The following KLHDC1 variants were observed in gnomAD, a reference collection of about 807,000 sequenced individuals.
KLHDC1 encodes kelch domain containing 1.
KLHDC1 carries 53 observed loss-of-function variants against 68.3 expected under a neutral mutation model. The observed-to-expected ratio is 0.78, with a 90% CI of 0.62 to 0.98. The LOEUF (loss-of-function observed/expected upper bound fraction) is 0.98. Ranked by LOEUF, KLHDC1 falls within the 50% of genes least tolerant of loss-of-function variation. The probability of loss-of-function intolerance (pLI) is 0.00; values close to 1 mark genes in which losing one functional copy is unlikely to be tolerated. For missense variants in KLHDC1, 470 were observed against 492.3 expected, an observed-to-expected ratio of 0.95 and a Z score of 0.43; for synonymous variants, 148 against 159.0, an observed-to-expected ratio of 0.93 and a Z score of 0.52.
chr14:49,705,365 C>CTTTTTTTTTTTTTTTGTTTTTTTT (rs1888021448), intron 1 of KLHDC1, among the ~76,000 whole-genome samples: 1 of 71,664 alleles, frequency 1.4e-5, no homozygotes. Context: ...TTCTTTCTTT[C>CTTTTTTTTTTTTTTTGTTTTTTTT]TTTTTTTTTT....
rs190125811 is a variant in KLHDC1 at position 49,736,992 on chromosome 14, G to A, written c.896+2331G>A. Among the ~76,000 whole-genome samples, 182 of 152,224 alleles carry A rather than the reference G, an allele frequency of 1.2e-3. 1 individual carries two copies. Among genetic ancestry groups the A allele is most frequent in the East Asian group, 8.3e-3 (43 of 5,182 alleles). On this transcript the variant is annotated intron_variant, in intron 10 of 12. Transcript: ENST00000359332. ...GCCAGATCTGATAGCCTATATAGTT[G>A]GCTATCAGCAAGGACCCTTTTTTAT...
intron 4 of KLHDC1, among the ~76,000 whole-genome samples, chr14:49,711,306 A>G (rs1011964727): frequency 1.2e-4 from 19 of 152,278 alleles, no homozygotes; most frequent in Middle Eastern, 3.4e-3. Context: ...GGTTCAAGCA[A>G]TTCTCTTGCC....
At chr14:49,729,393 G>A (rs938394233) in intron 7 of KLHDC1, 97 bp from the exon 8 acceptor site, 5 of 759,112 alleles carry the variant, frequency 6.6e-6, no homozygotes, top group South Asian at 1.5e-5. Context: ...AAGTAAAATA[G>A]AGATAGTCTA....
At chr14:49,737,434 G>A (rs1888954580) in intron 10 of KLHDC1, among the ~76,000 whole-genome samples, 1 of 152,164 alleles carries the variant, frequency 6.6e-6, no homozygotes, top group South Asian at 2.1e-4. Context: ...AAGTAAAAGG[G>A]ATTAATGTAC....
intron 10 of KLHDC1, among the ~76,000 whole-genome samples, chr14:49,738,330 G>T (rs1594679448): frequency 6.8e-6 from 1 of 148,006 alleles, no homozygotes; most frequent in Non-Finnish European, 1.5e-5. Flanking sequence ...CTTTTGTTTG[G>T]TTGGTTTTTT....
intron 1 of KLHDC1, among the ~76,000 whole-genome samples, chr14:49,707,027 C>T (rs1377898028): frequency 6.6e-6 from 1 of 152,124 alleles, no homozygotes; most frequent in Non-Finnish European, 1.5e-5. Context: ...GTGGCCTGTG[C>T]CTGTGGGGTA....
At chr14:49,739,539 G>T (rs1889009723) in intron 10 of KLHDC1, among the ~76,000 whole-genome samples, 1 of 152,190 alleles carries the variant, frequency 6.6e-6, no homozygotes, top group Non-Finnish European at 1.5e-5. Context: ...ATGTGAAGGA[G>T]TGCCAAATTG....
At chr14:49,699,319 T>G (rs1037781022) in intron 1 of KLHDC1, among the ~76,000 whole-genome samples, 2 of 151,906 alleles carry the variant, frequency 1.3e-5, no homozygotes, top group Middle Eastern at 3.2e-3. Context: ...ACTACTTTTT[T>G]AAATTCCAGG....
chr14:49,724,028 C>A, intron 5 of KLHDC1, 76 bp downstream of exon 5: 1 of 801,546 alleles, frequency 1.2e-6, no homozygotes, highest in East Asian at 2.7e-5. Flanking sequence ...TGAGTCTAGT[C>A]TTTCTCATTT....
At chr14:49,730,702 G>C (rs1249979868) in intron 8 of KLHDC1, among the ~76,000 whole-genome samples, 2 of 152,210 alleles carry the variant, frequency 1.3e-5, no homozygotes, top group Admixed American at 1.3e-4. Flanking sequence ...GCTGGGTGCA[G>C]TGGCTCACAC....
intron 1 of KLHDC1, among the ~76,000 whole-genome samples, chr14:49,707,070 C>G (rs1888067762): frequency 6.6e-6 from 1 of 152,148 alleles, no homozygotes; most frequent in Admixed American, 6.6e-5. Context: ...GACCAATGTC[C>G]TGGTGAGTTT....
At position 49,693,213 on chromosome 14, in the gene KLHDC1, T is replaced by A. The variant is rs1272385892; in HGVS notation, c.19T>A (p.Phe7Ile). MADSQLFCVAEERSGHC... is the reference protein window; with the variant it reads MADSQLICVAEERSGHC... Reference sequence around the variant, plus strand: ...GGCGCGAATGGCGGACTCTCAGCTGTTCTGTGTGGCGGAGGAACGCAGCGG... The same window carrying A: ...GGCGCGAATGGCGGACTCTCAGCTGATCTGTGTGGCGGAGGAACGCAGCGG... Residue 7 changes from phenylalanine (F) to isoleucine (I), a missense_variant, in exon 1 of 13, where the codon TTC (phenylalanine) becomes ATC (isoleucine). Physicochemically the swap from Phe to Ile is conservative, Grantham distance 21. Transcript: ENST00000359332. 6.3e-7 allele frequency: 1 copy of A among 1,580,946 alleles called. No individual in the cohort carries two copies. The highest frequency in any genetic ancestry group is 8.6e-7 in the Non-Finnish European group (1 of 1,165,416).
intron 12 of KLHDC1, 122 bp downstream of exon 12, chr14:49,743,927 C>T (rs1419505540): frequency 3.0e-5 from 18 of 603,834 alleles, no homozygotes; most frequent in Non-Finnish European, 4.7e-5. Context: ...AATATGTTCA[C>T]ATCTTCCTAA....
chr14:49,710,725 A>C (rs1157589069), intron 4 of KLHDC1, among the ~76,000 whole-genome samples: 1 of 152,150 alleles, frequency 6.6e-6, no homozygotes, highest in East Asian at 1.9e-4. Context: ...CCATTCCTTC[A>C]ACGCTAGTTT....
intron 4 of KLHDC1, among the ~76,000 whole-genome samples, chr14:49,722,011 A>AT (rs1222688930): frequency 2.0e-5 from 3 of 151,940 alleles, no homozygotes; most frequent in Non-Finnish European, 4.4e-5. Context: ...CCTAAAGGGG[A>AT]TTTTCTCAGC....
chr14:49,700,145 G>A lies in KLHDC1; in HGVS notation c.96+6855G>A, dbSNP rs571309166. On this transcript the variant is annotated intron_variant, in intron 1 of 12. Transcript: ENST00000359332. Reference sequence around the variant, plus strand: ...AGGTTCAACCAATTCTCCTGCCTCAGCCTCCCGAGTAGCTGGGACTACAGG... The same window carrying A: ...AGGTTCAACCAATTCTCCTGCCTCAACCTCCCGAGTAGCTGGGACTACAGG... 194 of 239,828 alleles carry A rather than the reference G, an allele frequency of 8.1e-4. 1 individual carries two copies. Among genetic ancestry groups the A allele is most frequent in the African/African-American group, 4.3e-3 (182 of 42,060 alleles). The allele number at this position is 239,828 out of a possible 1,614,324, so 14.9% of individuals were successfully genotyped here. A position where few individuals can be genotyped will look rare whatever the true frequency, so the allele number is the denominator to read the frequency against.
intron 12 of KLHDC1, among the ~76,000 whole-genome samples, chr14:49,744,281 A>T (rs1889138208): frequency 7.0e-6 from 1 of 142,212 alleles, no homozygotes; most frequent in African/African-American, 2.6e-5. Flanking sequence ...ATAGACTGAA[A>T]GCCTGTATAT....
chr14:49,737,701 A>G (rs888492683), intron 10 of KLHDC1, among the ~76,000 whole-genome samples: 3 of 138,966 alleles, frequency 2.2e-5, no homozygotes, highest in African/African-American at 5.3e-5. Context: ...CCCATCTCTG[A>G]AAAAAAAAAA....
At chr14:49,725,857 T>G (rs1350156960) in intron 6 of KLHDC1, 88 bp downstream of exon 6, 6 of 701,310 alleles carry the variant, frequency 8.6e-6, no homozygotes, top group Non-Finnish European at 1.4e-5. Flanking sequence ...TGTTTTGTTT[T>G]GTGTTTTTGA....
Sources: gnomAD v4.1 joint callset for allele counts (sites outside exome capture counted in the v4.1 genomes callset) on GRCh38, gnomAD v4.1.1 for gene constraint, MANE v1.5 for transcripts, NCBI Gene and HGNC (gene_info 2026-07-23, HGNC 2026-07-21) for gene names.